Variants in SOX5 observed in about 807,000 individuals in gnomAD.
The protein encoded by SOX5 is transcription factor SOX-5.
A neutral mutation model predicts 92.0 loss-of-function variants in SOX5; 9 were observed. That is an observed-to-expected ratio of 0.10 (90% CI 0.06 to 0.17). The LOEUF (loss-of-function observed/expected upper bound fraction) is 0.17, where lower values mean the gene tolerates loss of function less well. Among genes scored for constraint, SOX5 ranks in the 10% least tolerant of loss-of-function variants. SOX5 has a pLI of 1.00. For missense variants in SOX5, 642 were observed against 944.5 expected, an observed-to-expected ratio of 0.68 and a Z score of 4.20; for synonymous variants, 344 against 336.3, an observed-to-expected ratio of 1.02 and a Z score of -0.25.
At chr12:24,437,244 G>C (rs938757166) in intron 1 of SOX5, among the ~76,000 whole-genome samples, 5 of 152,108 alleles carry the variant, frequency 3.3e-5, no homozygotes, top group Admixed American at 1.3e-4. Context: ...TTAATAAATG[G>C]TGTTGGGAAA....
At chr12:23,690,137 C>A (rs976045444) in intron 6 of SOX5, among the ~76,000 whole-genome samples, 3 of 152,106 alleles carry the variant, frequency 2.0e-5, no homozygotes, top group Admixed American at 6.6e-5. Flanking sequence ...GCAAGCGGTC[C>A]CTGAGTCCTT....
chr12:23,759,656 C>A (rs898418234), intron 3 of SOX5, among the ~76,000 whole-genome samples: 1 of 152,008 alleles, frequency 6.6e-6, no homozygotes, highest in African/African-American at 2.4e-5. Context: ...GTAGAAAATG[C>A]ATGTTTCAAA....
chr12:24,469,735 C>G lies in SOX5; in HGVS notation c.-251+92594G>C, dbSNP rs75269323. Among the ~76,000 whole-genome samples, 506 of 152,278 alleles carry G rather than the reference C, an allele frequency of 3.3e-3. 1 individual carries two copies. The highest frequency in any genetic ancestry group is 0.012 in the African/African-American group (489 of 41,550). Reference sequence around the variant, plus strand: ...CTTTGTGGGTGCTCGAAAAACTATACTAAGCTTTAAATTACCATACTGGGT... The same window carrying G: ...CTTTGTGGGTGCTCGAAAAACTATAGTAAGCTTTAAATTACCATACTGGGT... On this transcript the variant is annotated intron_variant, in intron 1 of 4. Coordinates refer to the SOX5 transcript ENST00000446891.
intron 4 of SOX5, among the ~76,000 whole-genome samples, chr12:24,197,275 C>T (rs1301286376): frequency 6.6e-6 from 1 of 152,138 alleles, no homozygotes; most frequent in Non-Finnish European, 1.5e-5. Flanking sequence ...ATAAAATATT[C>T]CGTCAGAAGA....
intron 3 of SOX5, among the ~76,000 whole-genome samples, chr12:23,781,581 A>G (rs1442706550): frequency 6.6e-6 from 1 of 152,098 alleles, no homozygotes; most frequent in African/African-American, 2.4e-5. Context: ...TTTCAGGTAG[A>G]CTATTAAAAT....
At chr12:23,613,247 A>C (rs1237773646) in intron 8 of SOX5, among the ~76,000 whole-genome samples, 1 of 152,066 alleles carries the variant, frequency 6.6e-6, no homozygotes, top group Non-Finnish European at 1.5e-5. Context: ...TCCCGTCTTG[A>C]CAAACCTATT....
chr12:24,515,782 A>G (rs1417992857), intron 1 of SOX5, among the ~76,000 whole-genome samples: 1 of 152,206 alleles, frequency 6.6e-6, no homozygotes, highest in African/African-American at 2.4e-5. Context: ...TCAGAATTAG[A>G]GAAAAATTGT....
chr12:24,438,438 A>AT lies in SOX5; in HGVS notation c.-250-69800_-250-69799insA, dbSNP rs201391598. Among the ~76,000 whole-genome samples, 685 of 152,272 alleles carry AT rather than the reference A, an allele frequency of 4.5e-3. 11 individuals are homozygous for AT. In the East Asian group the frequency reaches 0.051, roughly 11 times the overall value. On this transcript the variant is annotated intron_variant, in intron 1 of 4. Coordinates refer to the SOX5 transcript ENST00000446891. Reference sequence around the variant, plus strand: ...CAGGACTTAAAGTATAGTTAAAAAAAATATACATATATATATATTTTGTAA... The same window carrying AT: ...CAGGACTTAAAGTATAGTTAAAAAAATATATACATATATATATATTTTGTAA...
intron 2 of SOX5, among the ~76,000 whole-genome samples, chr12:24,355,402 G>C (rs1244740627): frequency 7.1e-6 from 1 of 140,676 alleles, no homozygotes; most frequent in East Asian, 2.3e-4. Context: ...CCGCCTCCCA[G>C]GTTCACACCA....
Position 24,185,245 on chromosome 12 carries a change from C to T in SOX5, c.-2+28098G>A, listed in dbSNP as rs572101131. On this transcript the variant is annotated intron_variant, in intron 4 of 4. Transcript: ENST00000446891. ...ACTAAACATACCCTTGAAATACCTG[C>T]TTTAAAAATATGTAATCACTTCCCA... Among the ~76,000 whole-genome samples the T allele has an allele frequency of 2.0e-4, 31 of 152,178 alleles. 1 individual carries two copies. The South Asian group carries it at 3.5e-3, about 17-fold the overall frequency.
intron 3 of SOX5, among the ~76,000 whole-genome samples, chr12:23,811,222 T>A (rs2095870266): frequency 6.6e-6 from 1 of 152,116 alleles, no homozygotes; most frequent in Admixed American, 6.6e-5. Context: ...ATAAAGATTA[T>A]TCACCCCCTA....
chr12:23,964,337 C>T (rs115835993), intron 4 of SOX5, among the ~76,000 whole-genome samples: 165 of 152,204 alleles, frequency 1.1e-3, no homozygotes, highest in African/African-American at 3.6e-3. Flanking sequence ...ATGTTTCCCA[C>T]GATTCACACG....
At chr12:24,059,026 T>C (rs920061826) in intron 4 of SOX5, among the ~76,000 whole-genome samples, 2 of 152,122 alleles carry the variant, frequency 1.3e-5, no homozygotes, top group East Asian at 1.9e-4. Flanking sequence ...AATCTAGCTA[T>C]GCTATTTCAT....
rs35914700 is a variant in SOX5, at chr12:24,077,772, CATATATATATATATAT to C, written c.-2+135555_-2+135570del. The stretch of plus-strand genomic sequence containing the variant: ...GGTACTTCTCTTCGAAAGGTATTTT[CATATATATATATATAT>C]ATATATATATATATATATGCAGCTA... On this transcript the variant is annotated intron_variant, in intron 4 of 4. Coordinates refer to the SOX5 transcript ENST00000446891. Among the ~76,000 whole-genome samples, 79 of 116,920 alleles carry C rather than the reference CATATATATATATATAT, an allele frequency of 6.8e-4. 3 individuals are homozygous for C. In the Middle Eastern group the frequency reaches 0.022, roughly 33 times the overall value. 76.7% of individuals were successfully genotyped at this position (116,920 alleles called of 152,430 possible).
At chr12:23,973,625 C>T (rs1948599561) in intron 4 of SOX5, among the ~76,000 whole-genome samples, 1 of 152,170 alleles carries the variant, frequency 6.6e-6, no homozygotes, top group Non-Finnish European at 1.5e-5. Flanking sequence ...CATTCCAATA[C>T]TCATGGTGGA....
intron 3 of SOX5, among the ~76,000 whole-genome samples, chr12:24,218,575 A>G: frequency 6.6e-6 from 1 of 152,158 alleles, no homozygotes; most frequent in Non-Finnish European, 1.5e-5. Context: ...TGAATAATCC[A>G]TGAACTCACT....
chr12:24,322,377 C>A (rs1410265692), intron 2 of SOX5, among the ~76,000 whole-genome samples: 1 of 112,032 alleles, frequency 8.9e-6, no homozygotes, highest in Non-Finnish European at 1.8e-5. Context: ...TGGAGACAGG[C>A]ATTTAGAAAG....
intron 1 of SOX5, among the ~76,000 whole-genome samples, chr12:23,939,620 C>T (rs952946374): frequency 4.6e-5 from 7 of 150,586 alleles, no homozygotes; most frequent in Non-Finnish European, 7.5e-5. Flanking sequence ...AGAGATAATG[C>T]GGAAGGACCT....
At chr12:23,534,735 G>A (rs1939891632) in intron 14 of SOX5, among the ~76,000 whole-genome samples, 1 of 123,666 alleles carries the variant, frequency 8.1e-6, no homozygotes, top group Admixed American at 9.7e-5. Flanking sequence ...AGATGACGTA[G>A]TTTCGCTCCT....
Sources: gnomAD v4.1 joint callset for allele counts (sites outside exome capture counted in the v4.1 genomes callset) on GRCh38, gnomAD v4.1.1 for gene constraint, MANE v1.5 for transcripts, NCBI Gene and HGNC (gene_info 2026-07-23, HGNC 2026-07-21) for gene names.